The following NUMB variants were observed in gnomAD, a reference collection of about 807,000 sequenced individuals.
NUMB encodes protein numb homolog.
NUMB carries 29 observed loss-of-function variants against 59.7 expected under a neutral mutation model. The observed-to-expected ratio is 0.49, with a 90% CI of 0.36 to 0.66. The LOEUF (loss-of-function observed/expected upper bound fraction) is 0.66, where lower values mean the gene tolerates loss of function less well. NUMB is among the 30% of genes least tolerant of loss of function. The pLI, the probability that NUMB is intolerant of heterozygous loss-of-function variation, is 0.00. For synonymous variants in NUMB, 288 were observed against 288.2 expected (o/e 1.00, Z 0.01); for missense variants, 723 against 822.0 (o/e 0.88, Z 1.47).
intron 6 of NUMB, among the ~76,000 whole-genome samples, chr14:73,311,882 T>TC (rs1890793085): frequency 3.9e-5 from 6 of 152,298 alleles, no homozygotes; most frequent in Middle Eastern, 3.4e-3. Flanking sequence ...AGTCTATTTC[T>TC]CGTAGATTAG....
At chr14:73,356,376 C>T (rs568781599) in intron 3 of NUMB, among the ~76,000 whole-genome samples, 10 of 152,270 alleles carry the variant, frequency 6.6e-5, no homozygotes, top group Admixed American at 5.2e-4. Flanking sequence ...GGTGCAATGG[C>T]TCATGCCTGT....
chr14:73,339,096 T>G (rs1193040360), intron 4 of NUMB, among the ~76,000 whole-genome samples: 2 of 152,228 alleles, frequency 1.3e-5, no homozygotes, highest in African/African-American at 2.4e-5. Context: ...CTTTAGGTCT[T>G]CTAGTATTGT....
chr14:73,349,195 C>G (rs1594934189), intron 4 of NUMB, among the ~76,000 whole-genome samples: 1 of 152,240 alleles, frequency 6.6e-6, no homozygotes, highest in African/African-American at 2.4e-5. Context: ...AATCTCAGCA[C>G]TTTGGGAGGC....
intron 2 of NUMB, among the ~76,000 whole-genome samples, chr14:73,380,637 T>C (rs1895183047): frequency 6.6e-6 from 1 of 152,168 alleles, no homozygotes; most frequent in South Asian, 2.1e-4. Context: ...CCATAGATCT[T>C]AGGTACCCTG....
At chr14:73,344,807 T>C (rs564640598) in intron 4 of NUMB, among the ~76,000 whole-genome samples, 81 of 152,350 alleles carry the variant, frequency 5.3e-4, no homozygotes, top group African/African-American at 1.9e-3. Context: ...CAGCATGCCA[T>C]ATGTTCTACA....
chr14:73,315,691 C>T (rs1332482976), intron 6 of NUMB, among the ~76,000 whole-genome samples: 1 of 152,002 alleles, frequency 6.6e-6, no homozygotes, highest in Non-Finnish European at 1.5e-5. Flanking sequence ...TGAATGTAAA[C>T]TTTGGGGTAT....
chr14:73,312,225 C>G lies in NUMB; in HGVS notation c.234+4165G>C, dbSNP rs542093901. ...CCTGGCCAACATGGTGAAACCCTGT[C>G]TCTACTAAAAATACAAAAATTATCC... On this transcript the variant is annotated intron_variant, in intron 6 of 12. Transcript: ENST00000555238. Among the ~76,000 whole-genome samples, 31 of 152,168 alleles carry G rather than the reference C, an allele frequency of 2.0e-4. 1 individual carries two copies. The highest frequency in any genetic ancestry group is 8.5e-4 in the Admixed American group (13 of 15,286).
In NUMB at chr14:73,352,541, T is replaced by G. The variant is rs1279122886; in HGVS notation, c.126+3085A>C. ...ATATATATATATATGTTTTTTTTTT[T>G]TTTTTTTTTTTGAGACAGAGTCTCT... On this transcript the variant is annotated intron_variant, in intron 4 of 12. Coordinates refer to ENST00000555238, the MANE Select transcript of NUMB (RefSeq NM_001005743.2). Among the ~76,000 whole-genome samples, 8 of 86,968 alleles carry G rather than the reference T, an allele frequency of 9.2e-5. 1 individual carries two copies. The highest frequency in any genetic ancestry group is 3.2e-4 in the African/African-American group (8 of 25,004). 57.1% of individuals were successfully genotyped at this position (86,968 alleles called of 152,430 possible).
intron 2 of NUMB, among the ~76,000 whole-genome samples, chr14:73,401,141 G>A (rs918541274): frequency 2.6e-5 from 4 of 152,122 alleles, no homozygotes; most frequent in South Asian, 2.1e-4. Context: ...TACCCAGCTG[G>A]TGTCTGCCAA....
At chr14:73,344,075 A>C (rs1594928673) in intron 4 of NUMB, among the ~76,000 whole-genome samples, 5 of 152,296 alleles carry the variant, frequency 3.3e-5, no homozygotes, top group Admixed American at 3.3e-4. Flanking sequence ...AGTTTTTGTC[A>C]TTTATATAAC....
chr14:73,373,725 T>TA (rs71112743), intron 2 of NUMB, among the ~76,000 whole-genome samples: 2 of 145,794 alleles, frequency 1.4e-5, no homozygotes, highest in East Asian at 2.0e-4. Flanking sequence ...TTTTTTTTTT[T>TA]AAAGACAGGG....
intron 7 of NUMB, among the ~76,000 whole-genome samples, 196 bp downstream of exon 7, chr14:73,297,015 A>G (rs943140469): frequency 6.6e-6 from 1 of 152,120 alleles, no homozygotes; most frequent in Admixed American, 6.5e-5. Flanking sequence ...TAAAAATACA[A>G]AATTAGCTGG....
intron 1 of NUMB, among the ~76,000 whole-genome samples, chr14:73,441,229 T>C (rs1187510178): frequency 1.8e-4 from 28 of 152,106 alleles, no homozygotes; most frequent in Admixed American, 1.8e-3. Context: ...TCACTAGCCA[T>C]CAGGGAAATG....
At chr14:73,317,392 C>A (rs1891143168) in intron 5 of NUMB, among the ~76,000 whole-genome samples, 1 of 152,172 alleles carries the variant, frequency 6.6e-6, no homozygotes, top group South Asian at 2.1e-4. Context: ...ACCTCTGCCT[C>A]CTGGGTTCAA....
At chr14:73,299,523 GATA>G (rs1251591758) in intron 6 of NUMB, 2 of 147,278 alleles carry the variant, frequency 1.4e-5, no homozygotes, top group Non-Finnish European at 3.0e-5. Context: ...TCTTAAAATA[GATA>G]ATATGTATAT....
At chr14:73,295,614 A>T (rs977082841) in intron 7 of NUMB, among the ~76,000 whole-genome samples, 1 of 152,340 alleles carries the variant, frequency 6.6e-6, no homozygotes, top group African/African-American at 2.4e-5. Context: ...AAATGCAGCT[A>T]TATTAAACCA....
chr14:73,453,577 T>C (rs973792427), intron 1 of NUMB, among the ~76,000 whole-genome samples: 1 of 152,154 alleles, frequency 6.6e-6, no homozygotes, highest in African/African-American at 2.4e-5. Flanking sequence ...ATAATAAAAT[T>C]TATAATATGT....
chr14:73,383,655 A>G (rs886447891), intron 2 of NUMB, among the ~76,000 whole-genome samples: 2 of 152,204 alleles, frequency 1.3e-5, no homozygotes, highest in Non-Finnish European at 2.9e-5. Flanking sequence ...CATAAAAAGC[A>G]TGAAAGAAAA....
At chr14:73,392,907 CG>C (rs1166197754) in intron 2 of NUMB, among the ~76,000 whole-genome samples, 1 of 150,436 alleles carries the variant, frequency 6.6e-6, no homozygotes, top group East Asian at 1.9e-4. Flanking sequence ...TTTTTCTGGG[CG>C]GGGGGAGTTC....
Sources: gnomAD v4.1 joint callset for allele counts (sites outside exome capture counted in the v4.1 genomes callset) on GRCh38, gnomAD v4.1.1 for gene constraint, MANE v1.5 for transcripts, NCBI Gene and HGNC (gene_info 2026-07-23, HGNC 2026-07-21) for gene names.